Variants in CDK14 observed in about 807,000 individuals in gnomAD.
The protein encoded by CDK14 is cyclin-dependent kinase 14.
Under a neutral mutation model 60.7 loss-of-function variants are expected in CDK14, and 34 were observed. The observed-to-expected ratio is 0.56, with a 90% CI of 0.43 to 0.75. The LOEUF is 0.75. CDK14 is among the 30% of genes least tolerant of loss of function. The probability of loss-of-function intolerance (pLI) is 0.00; values close to 1 mark genes in which losing one functional copy is unlikely to be tolerated. For synonymous variants in CDK14, 197 were observed against 203.7 expected (o/e 0.97, Z 0.28); for missense variants, 482 against 564.1 (o/e 0.85, Z 1.47).
At chr7:90,884,690 C>T (rs1307700841) in intron 6 of CDK14, among the ~76,000 whole-genome samples, 1 of 152,164 alleles carries the variant, frequency 6.6e-6, no homozygotes, top group Non-Finnish European at 1.5e-5. Flanking sequence ...AACTATGCTA[C>T]AGGGCTACAG....
chr7:90,896,543 C>A (rs908283033), intron 6 of CDK14, among the ~76,000 whole-genome samples: 2 of 151,202 alleles, frequency 1.3e-5, no homozygotes, highest in Non-Finnish European at 2.9e-5. Context: ...TAAAAAAAAA[C>A]CTTACCTGAA....
chr7:91,028,936 C>G (rs1055086947), intron 10 of CDK14, among the ~76,000 whole-genome samples: 4 of 151,922 alleles, frequency 2.6e-5, no homozygotes, highest in African/African-American at 9.7e-5. Flanking sequence ...ATTATTGTTG[C>G]TATGCAGAAG....
intron 11 of CDK14, among the ~76,000 whole-genome samples, chr7:91,058,616 G>C (rs1337576155): frequency 6.6e-6 from 1 of 152,332 alleles, no homozygotes; most frequent in Non-Finnish European, 1.5e-5. Context: ...TAGCATGAAG[G>C]TTGTTGAATT....
chr7:91,155,135 G>A (rs1800947948), intron 14 of CDK14, among the ~76,000 whole-genome samples: 1 of 152,120 alleles, frequency 6.6e-6, no homozygotes, highest in African/African-American at 2.4e-5. Flanking sequence ...GAGAGGACAG[G>A]GCTTAGGATC....
chr7:90,906,134 A>C (rs898550492), intron 7 of CDK14, among the ~76,000 whole-genome samples: 2 of 152,176 alleles, frequency 1.3e-5, no homozygotes, highest in Non-Finnish European at 2.9e-5. Flanking sequence ...GGTGATGTTT[A>C]TTGTCACTTA....
At chr7:90,675,680 T>A (rs554377790) in intron 2 of CDK14, among the ~76,000 whole-genome samples, 22 of 152,320 alleles carry the variant, frequency 1.4e-4, no homozygotes, top group African/African-American at 4.3e-4. Flanking sequence ...CAAACAGATA[T>A]ACAAATGGGC....
chr7:90,828,617 A>G (rs1201395120), intron 5 of CDK14, among the ~76,000 whole-genome samples: 1 of 152,120 alleles, frequency 6.6e-6, no homozygotes, highest in African/African-American at 2.4e-5. Context: ...CTCTGTAGCT[A>G]TACTGCTAAG....
chr7:90,606,522 G>C (rs1303336738), intron 2 of CDK14, among the ~76,000 whole-genome samples: 1 of 152,154 alleles, frequency 6.6e-6, no homozygotes, highest in African/African-American at 2.4e-5. Flanking sequence ...ACCTTCTGTA[G>C]TTGGAAGGGC....
At chr7:91,187,649 G>A (rs1784071532) in intron 14 of CDK14, among the ~76,000 whole-genome samples, 1 of 152,182 alleles carries the variant, frequency 6.6e-6, no homozygotes, top group Non-Finnish European at 1.5e-5. Context: ...ATAGGCAAAA[G>A]AAAGAGAAAG....
intron 2 of CDK14, among the ~76,000 whole-genome samples, chr7:90,678,546 G>A (rs183037904): frequency 6.6e-6 from 1 of 152,174 alleles, no homozygotes; most frequent in Admixed American, 6.5e-5. Flanking sequence ...AAGGTGTGAT[G>A]AATTCCTCCT....
chr7:90,894,888 T>C (rs774983899), intron 6 of CDK14, among the ~76,000 whole-genome samples: 1 of 152,238 alleles, frequency 6.6e-6, no homozygotes, highest in Non-Finnish European at 1.5e-5. Flanking sequence ...TAGCCTTGTT[T>C]GGTCTTGATG....
At chr7:91,078,630 T>C (rs1255853646) in intron 11 of CDK14, among the ~76,000 whole-genome samples, 1 of 152,120 alleles carries the variant, frequency 6.6e-6, no homozygotes, top group Non-Finnish European at 1.5e-5. Context: ...TTACATATAT[T>C]CTTGATTTGA....
intron 11 of CDK14, among the ~76,000 whole-genome samples, chr7:91,077,205 A>G (rs1212964387): frequency 1.3e-5 from 2 of 152,246 alleles, no homozygotes. Flanking sequence ...ATGTATGTTT[A>G]TTGCAGCACT....
chr7:90,644,099 C>T (rs1471773373), intron 2 of CDK14, among the ~76,000 whole-genome samples: 5 of 152,230 alleles, frequency 3.3e-5, no homozygotes, highest in African/African-American at 7.2e-5. Context: ...CTCTCTCCCT[C>T]TACTCCGTGT....
chr7:90,698,655 AT>A (rs1400400854), intron 2 of CDK14, among the ~76,000 whole-genome samples: 1 of 152,124 alleles, frequency 6.6e-6, no homozygotes, highest in Non-Finnish European at 1.5e-5. Flanking sequence ...AACACCCCCA[AT>A]TTTTTTGGAA....
intron 2 of CDK14, among the ~76,000 whole-genome samples, chr7:90,666,593 GA>G (rs1424756741): frequency 3.0e-4 from 45 of 152,326 alleles, no homozygotes; most frequent in African/African-American, 9.9e-4. Context: ...TTGGTTTGAA[GA>G]TATCTGTCAA....
chr7:91,199,181 A>G (rs965349037), intron 14 of CDK14, among the ~76,000 whole-genome samples: 6 of 152,194 alleles, frequency 3.9e-5, no homozygotes, highest in Admixed American at 3.9e-4. Context: ...TTTGAAAAGA[A>G]TATGCCACCT....
intron 2 of CDK14, among the ~76,000 whole-genome samples, chr7:90,631,492 A>T (rs1335691316): frequency 6.6e-6 from 1 of 152,312 alleles, no homozygotes; most frequent in Middle Eastern, 3.4e-3. Context: ...CTTTCTGGGA[A>T]GCAGTTAAGA....
chr7:90,930,220 A>G (rs971777604), intron 8 of CDK14, among the ~76,000 whole-genome samples: 2 of 152,076 alleles, frequency 1.3e-5, no homozygotes, highest in African/African-American at 4.8e-5. Context: ...ATGAAGGAGT[A>G]TTCTTGTAAT....
Sources: allele counts gnomAD v4.1 joint callset (sites outside exome capture counted in the v4.1 genomes callset), GRCh38; gene constraint gnomAD v4.1.1; transcripts MANE v1.5; gene names NCBI Gene and HGNC (gene_info 2026-07-23, HGNC 2026-07-21).